FSTL4: variants seen among roughly 807,000 people sequenced by gnomAD.
The protein encoded by FSTL4 is follistatin-related protein 4.
In FSTL4, 28 loss-of-function variants were observed where a neutral mutation model predicts 78.2. The ratio of observed to expected loss-of-function variants is 0.36; its 90% CI spans 0.27 to 0.49. The LOEUF (loss-of-function observed/expected upper bound fraction) is 0.49, where lower values mean the gene tolerates loss of function less well. Ranked by LOEUF, FSTL4 falls within the 20% of genes least tolerant of loss-of-function variation. FSTL4 has a pLI of 0.98. For missense variants in FSTL4, 922 were observed against 1,084.9 expected, an observed-to-expected ratio of 0.85 and a Z score of 2.11; for synonymous variants, 422 against 440.5, an observed-to-expected ratio of 0.96 and a Z score of 0.53.
At position 133,536,319 on chromosome 5, in the gene FSTL4, A is replaced by T. The variant is rs116403734; in HGVS notation, c.160+30867T>A. Among the ~76,000 whole-genome samples, 1,506 of 152,302 alleles carry T rather than the reference A, an allele frequency of 9.9e-3. 28 individuals are homozygous for T. Among genetic ancestry groups the T allele is most frequent in the African/African-American group, 0.033 (1,392 of 41,576 alleles). On this transcript the variant is annotated intron_variant, in intron 3 of 15. Coordinates refer to ENST00000265342, the MANE Select transcript of FSTL4 (RefSeq NM_015082.2). The stretch of plus-strand genomic sequence containing the variant: ...TTATTTATTCAGATTAGAAACTGGA[A>T]ACCTACAGTACATTCTATTTTTAGA...
At chr5:133,276,190 C>A (rs1752878820) in intron 6 of FSTL4, among the ~76,000 whole-genome samples, 1 of 152,230 alleles carries the variant, frequency 6.6e-6, no homozygotes. Context: ...AAATACATCT[C>A]TTGTCCCCCA....
At chr5:133,679,926 TCC>T in the FSTL4 span, among the ~76,000 whole-genome samples, 3 of 152,066 alleles carry the variant, frequency 2.0e-5, no homozygotes, top group East Asian at 5.8e-4. Context: ...TCCCAAGAAG[TCC>T]ACCCCATACT....
the FSTL4 span, among the ~76,000 whole-genome samples, chr5:133,646,904 C>T: frequency 0.027 from 4,174 of 152,172 alleles, 90 homozygotes; most frequent in East Asian, 0.084. Flanking sequence ...CCATTTTCGT[C>T]GTTTTAGAGG....
the FSTL4 span, among the ~76,000 whole-genome samples, chr5:133,733,800 C>T: frequency 6.6e-6 from 1 of 152,202 alleles, no homozygotes; most frequent in Non-Finnish European, 1.5e-5. Flanking sequence ...TTGGGTCTCT[C>T]ATGAGGTTGC....
chr5:133,796,738 G>T, the FSTL4 span, among the ~76,000 whole-genome samples: 1 of 151,738 alleles, frequency 6.6e-6, no homozygotes, highest in Admixed American at 6.6e-5. Context: ...CTTATATGGG[G>T]TACAGGATAG....
At chr5:133,350,962 T>C (rs1251455078) in intron 4 of FSTL4, among the ~76,000 whole-genome samples, 1 of 152,254 alleles carries the variant, frequency 6.6e-6, no homozygotes, top group Non-Finnish European at 1.5e-5. Context: ...TAGTTTCTTA[T>C]CTGAATGGCA....
At chr5:133,246,960 G>A (rs949506056) in intron 7 of FSTL4, 1 of 152,186 alleles carries the variant, frequency 6.6e-6, no homozygotes, top group African/African-American at 2.4e-5. Context: ...CTGGAGCTTA[G>A]AGCAGTCAAG....
chr5:133,304,532 G>A (rs1486517181), intron 6 of FSTL4, among the ~76,000 whole-genome samples: 1 of 152,254 alleles, frequency 6.6e-6, no homozygotes, highest in Non-Finnish European at 1.5e-5. Flanking sequence ...GTATATAATA[G>A]ATTTTCAATA....
At chr5:133,381,115 G>A (rs573726476) in intron 4 of FSTL4, among the ~76,000 whole-genome samples, 7 of 152,294 alleles carry the variant, frequency 4.6e-5, no homozygotes, top group Admixed American at 2.0e-4. Context: ...AAAGAGTATG[G>A]TGATATCTAG....
chr5:133,766,727 A>C, the FSTL4 span, among the ~76,000 whole-genome samples: 2 of 152,222 alleles, frequency 1.3e-5, no homozygotes, highest in Non-Finnish European at 2.9e-5. Flanking sequence ...CCAAGTGCCG[A>C]GTTCCAGGTT....
chr5:133,483,465 G>A (rs950522492), intron 3 of FSTL4, among the ~76,000 whole-genome samples: 1 of 152,158 alleles, frequency 6.6e-6, no homozygotes, highest in East Asian at 1.9e-4. Context: ...GGATAAGCTG[G>A]CTGGGGCTCT....
At chr5:133,787,608 C>T in the FSTL4 span, among the ~76,000 whole-genome samples, 1 of 148,880 alleles carries the variant, frequency 6.7e-6, no homozygotes, top group African/African-American at 2.5e-5. Flanking sequence ...GGCCTGCACT[C>T]CACTCCTGGG....
At chr5:133,650,594 A>G in the FSTL4 span, among the ~76,000 whole-genome samples, 1 of 152,008 alleles carries the variant, frequency 6.6e-6, no homozygotes, top group Non-Finnish European at 1.5e-5. Context: ...CTCTTTTGTC[A>G]TATTTATATG....
the FSTL4 span, among the ~76,000 whole-genome samples, chr5:133,637,201 A>G: frequency 6.6e-6 from 1 of 151,940 alleles, no homozygotes; most frequent in African/African-American, 2.4e-5. Flanking sequence ...TTCCACCTAG[A>G]AGCTCACTTC....
intron 4 of FSTL4, among the ~76,000 whole-genome samples, chr5:133,400,121 T>C (rs150996254): frequency 1.3e-5 from 2 of 152,342 alleles, no homozygotes; most frequent in Admixed American, 6.5e-5. Flanking sequence ...TAGTGGGAGC[T>C]GGTACTTCCC....
At chr5:133,684,686 G>A in the FSTL4 span, among the ~76,000 whole-genome samples, 497 of 152,250 alleles carry the variant, frequency 3.3e-3, 6 homozygotes, top group African/African-American at 0.011. Flanking sequence ...CATTCAACCA[G>A]GGGACTCGAA....
At chr5:133,714,799 T>C in the FSTL4 span, among the ~76,000 whole-genome samples, 1 of 152,216 alleles carries the variant, frequency 6.6e-6, no homozygotes, top group Non-Finnish European at 1.5e-5. Flanking sequence ...CATTTCATGA[T>C]TGACACACAG....
the FSTL4 span, among the ~76,000 whole-genome samples, chr5:133,836,082 T>C: frequency 6.6e-6 from 1 of 152,200 alleles, no homozygotes; most frequent in Non-Finnish European, 1.5e-5. Flanking sequence ...AATTATCACA[T>C]ATAAAAATAT....
chr5:133,683,796 C>T, the FSTL4 span, among the ~76,000 whole-genome samples: 2 of 152,214 alleles, frequency 1.3e-5, no homozygotes, highest in South Asian at 2.1e-4. Context: ...CCCACCACCT[C>T]AAATGCAGAA....
Sources: allele counts gnomAD v4.1 joint callset (sites outside exome capture counted in the v4.1 genomes callset), GRCh38; gene constraint gnomAD v4.1.1; transcripts MANE v1.5; gene names NCBI Gene and HGNC (gene_info 2026-07-23, HGNC 2026-07-21).